The following DLGAP2 variants were observed in gnomAD, a reference collection of about 807,000 sequenced individuals.
DLGAP2 encodes the protein disks large-associated protein 2.
A neutral mutation model predicts 100.3 loss-of-function variants in DLGAP2; 26 were observed. That is an observed-to-expected ratio of 0.26 (90% CI 0.19 to 0.36). The LOEUF (loss-of-function observed/expected upper bound fraction) is 0.36. Among genes scored for constraint, DLGAP2 ranks in the 10% least tolerant of loss-of-function variants. The pLI is 1.00. For synonymous variants in DLGAP2, 886 were observed against 630.1 expected (o/e 1.41, Z -6.08); for missense variants, 1,858 against 1,453.2 (o/e 1.28, Z -4.53).
chr8:1,674,043 T>G (rs1798753435), intron 10 of DLGAP2, among the ~76,000 whole-genome samples: 1 of 152,198 alleles, frequency 6.6e-6, no homozygotes. Flanking sequence ...CTTGAGGTTA[T>G]CTTTAGAACC....
In DLGAP2 at chr8:1,361,302, A is replaced by G. The variant is rs181902227; in HGVS notation, c.106+102419A>G. On this transcript the variant is annotated intron_variant, in intron 3 of 14. Coordinates refer to ENST00000637795, the MANE Select transcript of DLGAP2 (RefSeq NM_001346810.2). ...CATTTCATGGATCACATTCTCCCCA[A>G]CACACAACTTTAGAGTAGACTTTTA... Among the ~76,000 whole-genome samples the G allele has an allele frequency of 7.2e-4, 110 of 152,308 alleles. 2 individuals carry two copies. The highest frequency in any genetic ancestry group is 2.5e-3 in the African/African-American group (106 of 41,576).
At chr8:1,282,878 C>G (rs1333924048) in intron 3 of DLGAP2, among the ~76,000 whole-genome samples, 1 of 124,160 alleles carries the variant, frequency 8.1e-6, no homozygotes, top group Non-Finnish European at 1.7e-5. Context: ...AACCCAGCGC[C>G]CTGAACCATC....
chr8:1,109,047 T>C (rs77227217), intron 2 of DLGAP2, among the ~76,000 whole-genome samples: 25 of 119,510 alleles, frequency 2.1e-4, no homozygotes, highest in Admixed American at 3.4e-4. Context: ...GAGGTGTGCA[T>C]GTGCCTATGA....
At chr8:1,357,943 G>T (rs1490348371) in intron 3 of DLGAP2, among the ~76,000 whole-genome samples, 1 of 152,142 alleles carries the variant, frequency 6.6e-6, no homozygotes. Flanking sequence ...GGTGTTTCTG[G>T]CTCCTTTACT....
chr8:1,070,025 TTAAAAG>T (rs1436480058), intron 2 of DLGAP2, among the ~76,000 whole-genome samples: 3 of 152,240 alleles, frequency 2.0e-5, no homozygotes, highest in Admixed American at 2.0e-4. Flanking sequence ...GTTCTTGGAC[TTAAAAG>T]TATGTGTTTC....
chr8:1,449,115 T>C (rs1419729719), intron 3 of DLGAP2, among the ~76,000 whole-genome samples: 1 of 151,470 alleles, frequency 6.6e-6, no homozygotes, highest in Non-Finnish European at 1.5e-5. Context: ...CTAATGATTA[T>C]TAATTCCTGT....
chr8:908,721 G>A (rs1798428476), intron 2 of DLGAP2, among the ~76,000 whole-genome samples: 1 of 152,192 alleles, frequency 6.6e-6, no homozygotes, highest in African/African-American at 2.4e-5. Context: ...CAAGTCCTGA[G>A]GAAAGTATGG....
chr8:1,697,063 G>T, intron 13 of DLGAP2, 84 bp from the exon 14 acceptor site: 3 of 1,360,782 alleles, frequency 2.2e-6, no homozygotes, highest in Non-Finnish European at 2.9e-6. Context: ...CCTCTTGAAA[G>T]GCATGCGTGG....
chr8:1,080,877 T>C (rs1480791649), intron 2 of DLGAP2, among the ~76,000 whole-genome samples: 2 of 152,186 alleles, frequency 1.3e-5, no homozygotes, highest in Non-Finnish European at 2.9e-5. Flanking sequence ...GTATTAAATA[T>C]TGGTTTAAAG....
At chr8:1,011,928 C>G (rs769921926) in intron 2 of DLGAP2, among the ~76,000 whole-genome samples, 19 of 152,228 alleles carry the variant, frequency 1.2e-4, no homozygotes, top group Admixed American at 6.5e-5. Context: ...CTCTCTTGCC[C>G]TCTGCTCCAC....
intron 2 of DLGAP2, among the ~76,000 whole-genome samples, chr8:1,237,194 T>TA (rs1196039393): frequency 7.3e-6 from 1 of 137,722 alleles, no homozygotes; most frequent in African/African-American, 3.0e-5. Context: ...CGTGTGTAGT[T>TA]CTCTCACGTG....
intron 2 of DLGAP2, among the ~76,000 whole-genome samples, chr8:1,108,216 G>A (rs758625096): frequency 3.9e-5 from 6 of 152,272 alleles, no homozygotes; most frequent in Non-Finnish European, 8.8e-5. Flanking sequence ...CTGTCCAGAT[G>A]CATTTGGAGG....
intron 2 of DLGAP2, among the ~76,000 whole-genome samples, chr8:917,591 G>T (rs1329837330): frequency 2.0e-5 from 3 of 151,760 alleles, no homozygotes; most frequent in East Asian, 2.0e-4. Context: ...ATATTCTTTT[G>T]TTGTTGCTGA....
chr8:972,616 C>CTTT (rs547635325), intron 2 of DLGAP2, among the ~76,000 whole-genome samples: 5 of 150,090 alleles, frequency 3.3e-5, no homozygotes, highest in African/African-American at 1.2e-4. Context: ...GTATTTTTTT[C>CTTT]TTATTTATTT....
At chr8:1,279,011 C>A (rs1311043386) in intron 3 of DLGAP2, among the ~76,000 whole-genome samples, 1 of 152,132 alleles carries the variant, frequency 6.6e-6, no homozygotes, top group Non-Finnish European at 1.5e-5. Flanking sequence ...ATATAAAGAA[C>A]ATATAGTAAT....
At chr8:1,687,213 T>C (rs1403272384) in intron 12 of DLGAP2, among the ~76,000 whole-genome samples, 2 of 152,182 alleles carry the variant, frequency 1.3e-5, no homozygotes, top group African/African-American at 2.4e-5. Flanking sequence ...TCTCAAATAT[T>C]AGAACACCAG....
At chr8:1,245,949 A>T (rs548848354) in intron 2 of DLGAP2, among the ~76,000 whole-genome samples, 2 of 152,180 alleles carry the variant, frequency 1.3e-5, no homozygotes, top group South Asian at 4.1e-4. Context: ...GTGCCTGACA[A>T]GCAGGGAAGG....
At chr8:1,284,922 C>G (rs956451185) in intron 3 of DLGAP2, among the ~76,000 whole-genome samples, 1 of 152,204 alleles carries the variant, frequency 6.6e-6, no homozygotes, top group Non-Finnish European at 1.5e-5. Context: ...TGTTCCTTTA[C>G]TTTGTTTTTG....
At chr8:1,458,093 A>G (rs1183286043) in intron 3 of DLGAP2, among the ~76,000 whole-genome samples, 1 of 149,184 alleles carries the variant, frequency 6.7e-6, no homozygotes, top group Non-Finnish European at 1.5e-5. Flanking sequence ...TTTTTAGTAG[A>G]GACGGGGTTT....
Sources: allele counts gnomAD v4.1 joint callset (sites outside exome capture counted in the v4.1 genomes callset), GRCh38; gene constraint gnomAD v4.1.1; transcripts MANE v1.5; gene names NCBI Gene and HGNC (gene_info 2026-07-23, HGNC 2026-07-21).